CADPS: variants seen among roughly 807,000 people sequenced by gnomAD.
CADPS encodes the protein calcium dependent secretion activator, also known as calcium-dependent secretion activator 1.
CADPS carries 57 observed loss-of-function variants against 167.3 expected under a neutral mutation model. The ratio of observed to expected loss-of-function variants is 0.34; its 90% CI spans 0.28 to 0.42. The LOEUF (loss-of-function observed/expected upper bound fraction) is 0.42. Among genes scored for constraint, CADPS ranks in the 20% least tolerant of loss-of-function variants. The probability of loss-of-function intolerance (pLI) is 1.00; values close to 1 mark genes in which losing one functional copy is unlikely to be tolerated. For synonymous variants in CADPS, 676 were observed against 635.3 expected (o/e 1.06, Z -0.96); for missense variants, 1,414 against 1,738.1 (o/e 0.81, Z 3.32).
At chr3:62,831,696 G>A (rs2075123370) in intron 1 of CADPS, among the ~76,000 whole-genome samples, 1 of 152,150 alleles carries the variant, frequency 6.6e-6, no homozygotes, top group African/African-American at 2.4e-5. Context: ...ATAGTAGGAA[G>A]TGCTAAAAAA....
intron 1 of CADPS, among the ~76,000 whole-genome samples, chr3:62,872,234 A>G (rs988618984): frequency 2.6e-5 from 4 of 152,210 alleles, no homozygotes; most frequent in Non-Finnish European, 4.4e-5. Context: ...TGTTGGCTTT[A>G]AACTTTACCA....
chr3:62,399,664 T>C lies in CADPS; in HGVS notation c.3883-79A>G, dbSNP rs1362700805. On this transcript the variant is annotated intron_variant, in intron 29 of 29. Transcript: ENST00000383710. The surrounding 1 kb of genome is among the most constrained non-coding windows in gnomAD (Gnocchi z 5.6). ...GGGAGAAGGTAAAAGCAGGTGTGGGTGGGAGAGCACTGACCTTCAGCTAAA... is the reference window on the plus strand; with the variant it reads ...GGGAGAAGGTAAAAGCAGGTGTGGGCGGGAGAGCACTGACCTTCAGCTAAA... 4.9e-6 allele frequency: 6 copies of C among 1,218,356 alleles called. No homozygotes were observed. Among genetic ancestry groups the C allele is most frequent in the Non-Finnish European group, 7.2e-6 (6 of 838,926 alleles). 75.5% of individuals were successfully genotyped at this position (1,218,356 alleles called of 1,614,324 possible).
At chr3:62,790,387 A>T (rs1355837609) in intron 1 of CADPS, among the ~76,000 whole-genome samples, 1 of 152,142 alleles carries the variant, frequency 6.6e-6, no homozygotes, top group East Asian at 1.9e-4. Flanking sequence ...AGCCCTATTC[A>T]TTTCTATTCC....
intron 3 of CADPS, among the ~76,000 whole-genome samples, chr3:62,740,001 A>T (rs1564523246): frequency 6.6e-6 from 1 of 152,242 alleles, no homozygotes; most frequent in Non-Finnish European, 1.5e-5. Flanking sequence ...CTGGATAGCC[A>T]ACAACCCTTG....
rs896342534 is a variant in CADPS, at chr3:62,475,607, A to C, written c.3330-1287T>G. 9.3e-5 allele frequency among the ~76,000 whole-genome samples: 14 copies of C among 150,564 alleles called. No individual in the cohort carries two copies. In the Admixed American group the frequency reaches 9.4e-4, roughly 10 times the overall value. On this transcript the variant is annotated intron_variant, in intron 23 of 29. Coordinates refer to ENST00000383710, the MANE Select transcript of CADPS (RefSeq NM_003716.4). The stretch of plus-strand genomic sequence containing the variant: ...AAGAAAAAAAAAAAAAAAAAAAAAA[A>C]AAAAACACCTAAAAATCCCAAACCC...
chr3:62,703,883 T>C (rs905981524), intron 3 of CADPS, among the ~76,000 whole-genome samples: 2 of 152,158 alleles, frequency 1.3e-5, no homozygotes, highest in Non-Finnish European at 2.9e-5. Flanking sequence ...CTTATCTTCA[T>C]AGCAAAGCAT....
At chr3:62,497,252 T>G (rs62243489) in intron 18 of CADPS, among the ~76,000 whole-genome samples, 42,051 of 152,062 alleles carry the variant, frequency 0.28, 5,995 homozygotes, top group Middle Eastern at 0.33. Flanking sequence ...ATAACTTGAT[T>G]ATAAATCAAG....
chr3:62,635,327 T>A lies in CADPS; in HGVS notation c.1325+10395A>T, dbSNP rs2066075356. 2.0e-5 allele frequency among the ~76,000 whole-genome samples: 3 copies of A among 152,236 alleles called. No homozygotes were observed. The South Asian group carries it at 6.2e-4, about 32-fold the overall frequency. ...GCCTTCTGCCTCTAATAGTCCTCAA[T>A]GATTGATCCTGCAACTCTACTGTAC... On this transcript the variant is annotated intron_variant, in intron 6 of 29. Coordinates refer to ENST00000383710, the MANE Select transcript of CADPS (RefSeq NM_003716.4).
At chr3:62,470,753 C>A (rs956948395) in intron 24 of CADPS, 1 of 152,056 alleles carries the variant, frequency 6.6e-6, no homozygotes, top group Non-Finnish European at 1.5e-5. Context: ...GGGAAAAAAA[C>A]CAACAGTCTT....
intron 8 of CADPS, among the ~76,000 whole-genome samples, chr3:62,573,540 C>T (rs1416746779): frequency 6.6e-6 from 1 of 152,224 alleles, no homozygotes; most frequent in Non-Finnish European, 1.5e-5. Context: ...TCCATCTCTG[C>T]TTACCCCCTT....
rs74671603 is a variant in CADPS at position 62,701,860 on chromosome 3, T to A, written c.889-39466A>T. Among the ~76,000 whole-genome samples the A allele has an allele frequency of 3.2e-3, 487 of 152,208 alleles. 5 individuals are homozygous for A. The highest frequency in any genetic ancestry group is 0.011 in the African/African-American group (456 of 41,512). On this transcript the variant is annotated intron_variant, in intron 3 of 29. Transcript: ENST00000383710. ...AAACTCAGGACCCCAACTCACTATG[T>A]CAAAAGGAAAAGGTTAAGCTGAATG...
intron 3 of CADPS, among the ~76,000 whole-genome samples, chr3:62,664,964 A>C (rs1048364322): frequency 6.6e-6 from 1 of 152,206 alleles, no homozygotes; most frequent in South Asian, 2.1e-4. Context: ...TTTTTATGGA[A>C]TATCTTGATA....
intron 8 of CADPS, among the ~76,000 whole-genome samples, chr3:62,574,042 T>C (rs73840507): frequency 0.033 from 5,064 of 152,262 alleles, 114 homozygotes; most frequent in South Asian, 0.048. Flanking sequence ...ATGTAATCCA[T>C]TGCCAAGTTC....
chr3:62,517,218 T>C (rs1394559801), intron 14 of CADPS, among the ~76,000 whole-genome samples: 1 of 152,106 alleles, frequency 6.6e-6, no homozygotes, highest in East Asian at 1.9e-4. Context: ...AGAAAAAAAC[T>C]ATGTCAGGTA....
chr3:62,528,428 T>G (rs1217490952), intron 13 of CADPS, among the ~76,000 whole-genome samples: 1 of 152,228 alleles, frequency 6.6e-6, no homozygotes, highest in Non-Finnish European at 1.5e-5. Context: ...GTGCCTGGAA[T>G]ATAGCAAGTA....
chr3:62,872,028 T>C (rs1004306331), intron 1 of CADPS, among the ~76,000 whole-genome samples: 1 of 152,206 alleles, frequency 6.6e-6, no homozygotes, highest in Non-Finnish European at 1.5e-5. Context: ...CTGTACAATA[T>C]GGTCTTTTCT....
intron 5 of CADPS, among the ~76,000 whole-genome samples, chr3:62,647,162 A>T (rs1402983546): frequency 6.6e-6 from 1 of 152,228 alleles, no homozygotes; most frequent in Non-Finnish European, 1.5e-5. Context: ...TACATGAAAA[A>T]ATCATTCAGT....
chr3:62,839,718 G>A (rs970581111), intron 1 of CADPS, among the ~76,000 whole-genome samples: 1 of 152,178 alleles, frequency 6.6e-6, no homozygotes, highest in African/African-American at 2.4e-5. Context: ...CTGTGAAGTC[G>A]ACAAATAGAG....
intron 6 of CADPS, among the ~76,000 whole-genome samples, chr3:62,628,585 C>CAA (rs1479896710): frequency 6.7e-6 from 1 of 150,268 alleles, no homozygotes; most frequent in African/African-American, 2.4e-5. Context: ...CTCCTTTACA[C>CAA]ACACACACAC....
Sources: allele counts gnomAD v4.1 joint callset (sites outside exome capture counted in the v4.1 genomes callset), GRCh38; gene constraint gnomAD v4.1.1; non-coding constraint Gnocchi (gnomAD v3.1); transcripts MANE v1.5; gene names NCBI Gene and HGNC (gene_info 2026-07-23, HGNC 2026-07-21).